The following GPCPD1 variants were observed in gnomAD, a reference collection of about 807,000 sequenced individuals.
GPCPD1 encodes glycerophosphocholine phosphodiesterase GPCPD1.
GPCPD1 carries 29 observed loss-of-function variants against 89.2 expected under a neutral mutation model. The ratio of observed to expected loss-of-function variants is 0.33; its 90% CI spans 0.24 to 0.44. The LOEUF (loss-of-function observed/expected upper bound fraction) is 0.44. GPCPD1 is among the 20% of genes least tolerant of loss of function. GPCPD1 has a pLI of 1.00. For synonymous variants in GPCPD1, 258 were observed against 266.3 expected, an observed-to-expected ratio of 0.97 and a Z score of 0.30; for missense variants, 594 against 808.9, an observed-to-expected ratio of 0.73 and a Z score of 3.22.
chr20:5,581,814 C>CTTTTTT lies in GPCPD1; in HGVS notation c.350-1689_350-1684dup, dbSNP rs11479995. 4.0e-3 allele frequency among the ~76,000 whole-genome samples: 297 copies of CTTTTTT among 75,018 alleles called. 49 individuals are homozygous for CTTTTTT. The highest frequency in any genetic ancestry group is 0.017 in the African/African-American group (229 of 13,088). 49.2% of individuals were successfully genotyped at this position (75,018 alleles called of 152,430 possible). ...ATGCTTAATAATTGTGGGACTTTAA[C>CTTTTTT]TTTTTTTTTTTTTTTTTTTTTTTTT... On this transcript the variant is annotated intron_variant, in intron 6 of 19. Coordinates refer to ENST00000379019, the MANE Select transcript of GPCPD1 (RefSeq NM_019593.5).
At chr20:5,549,523 G>A in intron 19 of GPCPD1, 1 of 1,059,254 alleles carries the variant, frequency 9.4e-7, no homozygotes, top group East Asian at 2.9e-5. Flanking sequence ...TCTCATAAGA[G>A]ACCAAGTCAA....
intron 1 of GPCPD1, among the ~76,000 whole-genome samples, chr20:5,610,238 G>GGCA (rs1373183801): frequency 2.0e-5 from 3 of 152,134 alleles, no homozygotes; most frequent in African/African-American, 7.2e-5. Context: ...GGAGAGAAGG[G>GGCA]GCAGCAGACC....
At chr20:5,574,608 C>T (rs1423303553) in intron 10 of GPCPD1, among the ~76,000 whole-genome samples, 3 of 152,126 alleles carry the variant, frequency 2.0e-5, no homozygotes, top group Admixed American at 6.6e-5. Flanking sequence ...CATGGTACCA[C>T]GTGCCTGTGG....
intron 14 of GPCPD1, 69 bp from the exon 15 acceptor site, chr20:5,565,147 C>A: frequency 1.2e-6 from 1 of 809,324 alleles, no homozygotes; most frequent in Admixed American, 1.9e-5. Context: ...TTCTTAAATC[C>A]TTAGTGCCAA....
At chr20:5,583,858 C>T (rs1299693410) in intron 6 of GPCPD1, among the ~76,000 whole-genome samples, 1 of 152,214 alleles carries the variant, frequency 6.6e-6, no homozygotes, top group East Asian at 1.9e-4. Context: ...GTATACTACA[C>T]ACTTTTAATT....
intron 9 of GPCPD1, 30 bp downstream of exon 9, chr20:5,575,786 T>C (rs779553301): frequency 2.7e-5 from 39 of 1,451,572 alleles, no homozygotes; most frequent in Non-Finnish European, 3.4e-5. Context: ...AACTTAACCT[T>C]GGGTTATTTG....
intron 9 of GPCPD1, 28 bp from the exon 10 acceptor site, chr20:5,575,573 A>C: frequency 6.8e-7 from 1 of 1,470,570 alleles, no homozygotes; most frequent in East Asian, 2.3e-5. Context: ...AGGGAGGAAC[A>C]AAAATAAAAA....
intron 2 of GPCPD1, among the ~76,000 whole-genome samples, chr20:5,603,461 A>C (rs1980319363): frequency 6.6e-6 from 1 of 152,100 alleles, no homozygotes; most frequent in South Asian, 2.1e-4. Flanking sequence ...GAGTGGGCAA[A>C]GATCTAGGCA....
Position 5,579,216 on chromosome 20 carries a change from T to C in GPCPD1, c.474-605A>G, listed in dbSNP as rs1346674224. Among the ~76,000 whole-genome samples, 5 of 151,966 alleles carry C rather than the reference T, an allele frequency of 3.3e-5. No individual in the cohort carries two copies. The East Asian group carries it at 7.7e-4, about 23-fold the overall frequency. ...AAAAATATATATATTATTAAACACA[T>C]ATAATATTCAAAAATTTTTTCCTGT... On this transcript the variant is annotated intron_variant, in intron 7 of 19. Coordinates refer to ENST00000379019, the MANE Select transcript of GPCPD1 (RefSeq NM_019593.5).
chr20:5,593,816 C>G (rs1036635262), intron 3 of GPCPD1, among the ~76,000 whole-genome samples: 3 of 152,182 alleles, frequency 2.0e-5, no homozygotes, highest in Admixed American at 6.5e-5. Context: ...AAAGTGGAAG[C>G]CAGAGTCAGA....
At chr20:5,584,936 C>T (rs1978811619) in intron 5 of GPCPD1, 1 of 152,382 alleles carries the variant, frequency 6.6e-6, no homozygotes, top group South Asian at 2.1e-4. Context: ...TACAATTTAT[C>T]TTCCTGGCCT....
intron 2 of GPCPD1, among the ~76,000 whole-genome samples, chr20:5,603,666 A>T (rs910199611): frequency 1.3e-5 from 2 of 152,202 alleles, no homozygotes; most frequent in African/African-American, 4.8e-5. Flanking sequence ...TTTAAGGGAC[A>T]GCAAAAAATA....
intron 19 of GPCPD1, among the ~76,000 whole-genome samples, chr20:5,550,137 T>C (rs1985298958): frequency 1.3e-5 from 2 of 151,476 alleles, no homozygotes; most frequent in East Asian, 1.9e-4. Context: ...GAGGTTGCAG[T>C]GAGCCCAGAT....
In GPCPD1 at chr20:5,575,401, T is replaced by C; in HGVS notation, c.1001+12A>G. 1.9e-6 allele frequency: 3 copies of C among 1,592,776 alleles called. No homozygotes were observed. Among genetic ancestry groups the C allele is most frequent in the Non-Finnish European group, 1.7e-6 (2 of 1,164,492 alleles). On this transcript the variant is annotated intron_variant, in intron 10 of 19. Coordinates refer to ENST00000379019, the MANE Select transcript of GPCPD1 (RefSeq NM_019593.5). The stretch of plus-strand genomic sequence containing the variant: ...ACACCAAATGCTAATCCTACTCAAA[T>C]ATTCAACTTACTGGGCAGTTGTTGT...
intron 19 of GPCPD1, chr20:5,548,420 T>TATC (rs2122512462): frequency 6.6e-6 from 1 of 152,416 alleles, no homozygotes; most frequent in East Asian, 1.9e-4. Context: ...TGTAAGGCAG[T>TATC]ATCAGAGAAT....
Position 5,544,753 on chromosome 20 carries a change from G to A in GPCPD1, c.*2908C>T, listed in dbSNP as rs1342929684. ...AGTAAGACTGAGAGGCTGTCTGCAT[G>A]TTTCCATCATCATTCAGATCAAAAG... On this transcript the variant is annotated 3_prime_UTR_variant, in exon 20 of 20. Transcript: ENST00000379019. 1 of 152,266 alleles carries A rather than the reference G, an allele frequency of 6.6e-6. No homozygotes were observed. Among genetic ancestry groups the A allele is most frequent in the Admixed American group, 6.5e-5 (1 of 15,284 alleles). 9.4% of individuals were successfully genotyped at this position (152,266 alleles called of 1,614,324 possible). A position where few individuals can be genotyped will look rare whatever the true frequency, so the allele number is the denominator to read the frequency against.
chr20:5,549,381 A>G, intron 19 of GPCPD1: 1 of 1,218,368 alleles, frequency 8.2e-7, no homozygotes, highest in Non-Finnish European at 1.2e-6. Flanking sequence ...GTATACAAGG[A>G]AAGGTTAGGA....
chr20:5,581,506 G>A (rs1978481852), intron 6 of GPCPD1, among the ~76,000 whole-genome samples: 1 of 152,136 alleles, frequency 6.6e-6, no homozygotes, highest in African/African-American at 2.4e-5. Flanking sequence ...AACTAGTTAT[G>A]CCACTAGTGC....
chr20:5,610,237 G>A (rs919463796), intron 1 of GPCPD1, among the ~76,000 whole-genome samples: 3 of 152,140 alleles, frequency 2.0e-5, no homozygotes, highest in East Asian at 3.9e-4. Flanking sequence ...TGGAGAGAAG[G>A]GGCAGCAGAC....
Sources: gnomAD v4.1 joint callset for allele counts (sites outside exome capture counted in the v4.1 genomes callset) on GRCh38, gnomAD v4.1.1 for gene constraint, MANE v1.5 for transcripts, NCBI Gene and HGNC (gene_info 2026-07-23, HGNC 2026-07-21) for gene names.